Variants in IGSF11 observed in about 807,000 individuals in gnomAD.
IGSF11 encodes immunoglobulin superfamily member 11.
In IGSF11, 22 loss-of-function variants were observed where a neutral mutation model predicts 41.0. The observed-to-expected ratio is 0.54, with a 90% CI of 0.38 to 0.77. The LOEUF is 0.77. Among genes scored for constraint, IGSF11 ranks in the 30% least tolerant of loss-of-function variants. The pLI is 0.00. For missense variants in IGSF11, 444 were observed against 530.8 expected (o/e 0.84, Z 1.61); for synonymous variants, 219 against 201.3 (o/e 1.09, Z -0.74).
chr3:119,054,472 C>A (rs1353722795), intron 1 of IGSF11, among the ~76,000 whole-genome samples: 2 of 152,090 alleles, frequency 1.3e-5, no homozygotes, highest in African/African-American at 4.8e-5. Context: ...AAGTCAAAAC[C>A]ACAATGTGAT....
At chr3:119,089,072 A>AGTT (rs1215078273) in intron 1 of IGSF11, among the ~76,000 whole-genome samples, 1 of 152,164 alleles carries the variant, frequency 6.6e-6, no homozygotes, top group Non-Finnish European at 1.5e-5. Flanking sequence ...TCTCCTGACT[A>AGTT]ACTCTATGAA....
intron 1 of IGSF11, among the ~76,000 whole-genome samples, chr3:118,938,023 CAT>C (rs200203696): frequency 9.4e-5 from 14 of 149,622 alleles, no homozygotes; most frequent in Middle Eastern, 3.4e-3. Context: ...CTCTCTCTCT[CAT>C]ATATATATAT....
chr3:119,077,737 A>G (rs2076524512), intron 1 of IGSF11, among the ~76,000 whole-genome samples: 1 of 152,188 alleles, frequency 6.6e-6, no homozygotes, highest in Non-Finnish European at 1.5e-5. Flanking sequence ...AGGAAGTCAA[A>G]CTATCTCTTT....
At chr3:118,987,700 C>G (rs1407259512) in intron 1 of IGSF11, among the ~76,000 whole-genome samples, 2 of 152,226 alleles carry the variant, frequency 1.3e-5, no homozygotes, top group Non-Finnish European at 2.9e-5. Flanking sequence ...AGGCATGTGA[C>G]TTGAGATTTG....
intron 1 of IGSF11, among the ~76,000 whole-genome samples, chr3:119,032,061 A>T (rs1940451983): frequency 6.6e-6 from 1 of 152,218 alleles, no homozygotes. Flanking sequence ...ACAAATAAAA[A>T]CAAAATAACA....
At chr3:119,035,416 G>C (rs1349932671), upstream of IGSF11, among the ~76,000 whole-genome samples, 1 of 152,180 alleles carries the variant, frequency 6.6e-6, no homozygotes, top group Non-Finnish European at 1.5e-5. Context: ...AAAGTGGATA[G>C]AGGCTGGACC....
chr3:119,025,974 A>G (rs1347008570), intron 1 of IGSF11, among the ~76,000 whole-genome samples: 3 of 152,162 alleles, frequency 2.0e-5, no homozygotes, highest in African/African-American at 7.2e-5. Flanking sequence ...CAGATGTGGT[A>G]AGATGCCTAT....
intron 1 of IGSF11, among the ~76,000 whole-genome samples, chr3:119,096,309 T>A (rs2076849639): frequency 6.6e-6 from 1 of 152,028 alleles, no homozygotes; most frequent in Admixed American, 6.6e-5. Flanking sequence ...TGGCTCTGAC[T>A]TCAAGTAGAA....
chr3:118,992,688 T>C (rs143248366), intron 1 of IGSF11, among the ~76,000 whole-genome samples: 36 of 152,144 alleles, frequency 2.4e-4, no homozygotes, highest in African/African-American at 8.0e-4. Context: ...TACCTTGGTG[T>C]TGAAAAACAC....
chr3:119,087,543 T>C (rs1446320373), intron 1 of IGSF11, among the ~76,000 whole-genome samples: 3 of 152,124 alleles, frequency 2.0e-5, no homozygotes, highest in African/African-American at 4.8e-5. Flanking sequence ...AAACATCATA[T>C]GTTCTCACTC....
chr3:118,912,629 T>C (rs563418110), intron 4 of IGSF11, among the ~76,000 whole-genome samples: 2 of 152,124 alleles, frequency 1.3e-5, no homozygotes, highest in African/African-American at 2.4e-5. Flanking sequence ...AGAGAAACTA[T>C]AGAACAATCC....
intron 1 of IGSF11, among the ~76,000 whole-genome samples, chr3:118,939,210 T>C (rs534000272): frequency 1.3e-5 from 2 of 152,214 alleles, no homozygotes; most frequent in East Asian, 3.9e-4. Flanking sequence ...ATAATTAAAG[T>C]TATACAAAGA....
At chr3:118,946,201 C>T (rs936723382) in intron 1 of IGSF11, among the ~76,000 whole-genome samples, 3 of 146,884 alleles carry the variant, frequency 2.0e-5, no homozygotes, top group Non-Finnish European at 4.5e-5. Context: ...TACACACACA[C>T]ACGCACACAC....
intron 1 of IGSF11, among the ~76,000 whole-genome samples, chr3:119,021,361 A>G (rs1042707129): frequency 6.6e-6 from 1 of 152,218 alleles, no homozygotes; most frequent in Non-Finnish European, 1.5e-5. Flanking sequence ...GATGATGGTG[A>G]CAACAGAGGA....
At chr3:119,032,130 C>G (rs927860644) in intron 1 of IGSF11, among the ~76,000 whole-genome samples, 2 of 152,152 alleles carry the variant, frequency 1.3e-5, no homozygotes, top group Admixed American at 6.5e-5. Context: ...GATTTTCTTT[C>G]ATTTATTGAA....
intron 1 of IGSF11, among the ~76,000 whole-genome samples, chr3:119,127,057 G>A (rs905836993): frequency 6.6e-6 from 1 of 152,126 alleles, no homozygotes; most frequent in East Asian, 1.9e-4. Flanking sequence ...GTAGGCTTTG[G>A]AAGATGGGTA....
At chr3:119,029,272 A>ACACACC (rs1361001947) in intron 1 of IGSF11, among the ~76,000 whole-genome samples, 1,585 of 145,310 alleles carry the variant, frequency 0.011, 23 homozygotes, top group Non-Finnish European at 0.016. Context: ...ACACACACAC[A>ACACACC]CACCCGAGAG....
chr3:119,110,227 G>A (rs2077124825), intron 1 of IGSF11, among the ~76,000 whole-genome samples: 1 of 152,048 alleles, frequency 6.6e-6, no homozygotes, highest in Non-Finnish European at 1.5e-5. Context: ...GGGAGTCTAA[G>A]TCTCTTTGTA....
At chr3:119,043,218 C>A (rs61681334) in intron 1 of IGSF11, among the ~76,000 whole-genome samples, 1 of 152,170 alleles carries the variant, frequency 6.6e-6, no homozygotes, top group South Asian at 2.1e-4. Context: ...TGGGAGGGGA[C>A]TCAAAGGGGG....
Sources: allele counts gnomAD v4.1 joint callset (sites outside exome capture counted in the v4.1 genomes callset), GRCh38; gene constraint gnomAD v4.1.1; transcripts MANE v1.5; gene names NCBI Gene and HGNC (gene_info 2026-07-23, HGNC 2026-07-21).